CDH13: variants seen among roughly 807,000 people sequenced by gnomAD.
The protein encoded by CDH13 is cadherin 13.
A neutral mutation model predicts 63.8 loss-of-function variants in CDH13; 24 were observed. That is an observed-to-expected ratio of 0.38 (90% confidence interval 0.27 to 0.53). The LOEUF (loss-of-function observed/expected upper bound fraction) is 0.53. Ranked by LOEUF, CDH13 falls within the 20% of genes least tolerant of loss-of-function variation. The pLI is 0.85. For missense variants in CDH13, 1,049 were observed against 903.1 expected (o/e 1.16, Z -2.07); for synonymous variants, 503 against 355.3 (o/e 1.42, Z -4.67).
intron 5 of CDH13, among the ~76,000 whole-genome samples, chr16:83,237,284 C>A (rs2040173972): frequency 6.6e-6 from 1 of 152,212 alleles, no homozygotes. Flanking sequence ...CTCACGGTCA[C>A]AGCCTAGTGA....
At chr16:83,268,676 A>T (rs549787653) in intron 5 of CDH13, among the ~76,000 whole-genome samples, 8 of 152,226 alleles carry the variant, frequency 5.3e-5, no homozygotes, top group African/African-American at 7.2e-5. Context: ...TTTAGTGCAG[A>T]CATTCTTCCT....
chr16:82,734,723 A>G (rs1395552917), intron 1 of CDH13, among the ~76,000 whole-genome samples: 1 of 152,226 alleles, frequency 6.6e-6, no homozygotes, highest in East Asian at 1.9e-4. Flanking sequence ...TAGGAGCTTC[A>G]GAATTGACCC....
chr16:83,414,756 C>A (rs190300146), intron 6 of CDH13, among the ~76,000 whole-genome samples: 1 of 152,162 alleles, frequency 6.6e-6, no homozygotes, highest in Admixed American at 6.5e-5. Context: ...ATATCCTTCA[C>A]TTGTGAGGTT....
intron 4 of CDH13, among the ~76,000 whole-genome samples, chr16:83,187,712 G>T (rs1415182593): frequency 3.3e-5 from 5 of 152,194 alleles, no homozygotes; most frequent in Non-Finnish European, 7.3e-5. Flanking sequence ...GGACACAGCA[G>T]TGAACAGAAC....
At chr16:83,485,193 T>G (rs538946258) in intron 6 of CDH13, among the ~76,000 whole-genome samples, 136 of 152,232 alleles carry the variant, frequency 8.9e-4, no homozygotes, top group Non-Finnish European at 1.4e-3. Flanking sequence ...TTTTTCACCT[T>G]GACAGATAAT....
intron 10 of CDH13, among the ~76,000 whole-genome samples, chr16:83,741,494 A>ATG (rs1283417807): frequency 1.9e-5 from 2 of 104,502 alleles, no homozygotes; most frequent in Middle Eastern, 5.0e-3. Flanking sequence ...GTGTGTATAT[A>ATG]TATATATGTG....
At chr16:82,947,509 T>G (rs1326012598) in intron 2 of CDH13, among the ~76,000 whole-genome samples, 1 of 152,174 alleles carries the variant, frequency 6.6e-6, no homozygotes, top group Non-Finnish European at 1.5e-5. Context: ...GTTTTTCCAT[T>G]TGCTTATTGT....
At chr16:83,634,233 G>T (rs1911055488) in intron 8 of CDH13, among the ~76,000 whole-genome samples, 1 of 151,294 alleles carries the variant, frequency 6.6e-6, no homozygotes, top group Admixed American at 6.6e-5. Flanking sequence ...ACAGCTGCAT[G>T]GTCACAGAAG....
At chr16:82,909,778 C>G (rs1034359351) in intron 2 of CDH13, among the ~76,000 whole-genome samples, 1 of 152,090 alleles carries the variant, frequency 6.6e-6, no homozygotes, top group African/African-American at 2.4e-5. Context: ...TCATCTTATT[C>G]AAGATGAGAT....
intron 4 of CDH13, among the ~76,000 whole-genome samples, chr16:83,155,356 G>T (rs912091125): frequency 3.3e-5 from 5 of 152,116 alleles, no homozygotes; most frequent in South Asian, 4.2e-4. Context: ...TAAATTGTCT[G>T]GACCTGTGCC....
chr16:83,431,796 CCCATGATCTAATCG>C (rs1489770640), intron 6 of CDH13, among the ~76,000 whole-genome samples: 1 of 152,148 alleles, frequency 6.6e-6, no homozygotes, highest in African/African-American at 2.4e-5. Context: ...AGAATTCACC[CCCATGATCTAATCG>C]CCTCCCGCCA....
intron 2 of CDH13, among the ~76,000 whole-genome samples, chr16:82,877,873 C>T (rs1007314199): frequency 5.9e-4 from 89 of 149,900 alleles, no homozygotes; most frequent in Admixed American, 5.3e-3. Flanking sequence ...GACTCAAACC[C>T]TGTCATGATT....
chr16:82,742,593 GT>G (rs2033982003), intron 1 of CDH13, among the ~76,000 whole-genome samples: 1 of 152,132 alleles, frequency 6.6e-6, no homozygotes, highest in East Asian at 1.9e-4. Context: ...AAATAGAATT[GT>G]TCTTAATTTA....
intron 2 of CDH13, among the ~76,000 whole-genome samples, chr16:82,963,625 C>G (rs1424897541): frequency 6.6e-6 from 1 of 152,124 alleles, no homozygotes; most frequent in Non-Finnish European, 1.5e-5. Context: ...CCTGACTTCC[C>G]CATTAGGAAG....
intron 1 of CDH13, among the ~76,000 whole-genome samples, chr16:82,851,521 C>T (rs900653114): frequency 6.6e-6 from 1 of 152,024 alleles, no homozygotes; most frequent in Non-Finnish European, 1.5e-5. Flanking sequence ...CTTTTACCTC[C>T]CCAAGAACTG....
intron 7 of CDH13, among the ~76,000 whole-genome samples, chr16:83,567,757 G>A (rs530764160): frequency 2.0e-5 from 3 of 152,076 alleles, no homozygotes; most frequent in Non-Finnish European, 2.9e-5. Flanking sequence ...CACCACGCCC[G>A]GCTAATTTTT....
intron 5 of CDH13, among the ~76,000 whole-genome samples, chr16:83,317,399 T>G (rs2090130337): frequency 6.6e-6 from 1 of 152,158 alleles, no homozygotes; most frequent in South Asian, 2.1e-4. Flanking sequence ...ATGCTTGTGT[T>G]ACATCTGCTT....
intron 10 of CDH13, among the ~76,000 whole-genome samples, chr16:83,743,760 TTTTTTTTC>T (rs1486695277): frequency 7.5e-6 from 1 of 132,822 alleles, no homozygotes; most frequent in Non-Finnish European, 1.6e-5. Context: ...TTTTTTTTTT[TTTTTTTTC>T]TTTGCTTTTT....
Position 83,047,246 on chromosome 16 carries a change from T to TTTA in CDH13, c.366+15031_366+15033dup, listed in dbSNP as rs1279490594. Among the ~76,000 whole-genome samples, 5 of 152,084 alleles carry TTTA rather than the reference T, an allele frequency of 3.3e-5. No individual in the cohort carries two copies. Among genetic ancestry groups the TTTA allele is most frequent in the South Asian group, 2.1e-4 (1 of 4,824 alleles). ...CTCCAGAGGCCTGTGTATTTATTTA[T>TTTA]TTATTTATTTTTTTGGTAAAGGCCT... is the stretch of plus-strand genomic sequence containing the variant. On this transcript the variant is annotated intron_variant, in intron 3 of 13. Transcript: ENST00000567109. This position sits in a 1 kb window ranked among gnomAD's most constrained non-coding sequence, Gnocchi z 4.9.
Sources: allele counts gnomAD v4.1 joint callset (sites outside exome capture counted in the v4.1 genomes callset), GRCh38; gene constraint gnomAD v4.1.1; non-coding constraint Gnocchi (gnomAD v3.1); transcripts MANE v1.5; gene names NCBI Gene and HGNC (gene_info 2026-07-23, HGNC 2026-07-21).